The following TUSC3 variants were observed in gnomAD, a reference collection of about 807,000 sequenced individuals.
TUSC3 encodes the protein dolichyl-diphosphooligosaccharide--protein glycosyltransferase subunit TUSC3.
TUSC3 carries 45 observed loss-of-function variants against 44.8 expected under a neutral mutation model. That is an observed-to-expected ratio of 1.00 (90% CI 0.79 to 1.29). The LOEUF (loss-of-function observed/expected upper bound fraction) is 1.29, where lower values mean the gene tolerates loss of function less well. Ranked by LOEUF, TUSC3 falls within the 50% of genes most tolerant of loss-of-function variation. The pLI is 0.00. For missense variants in TUSC3, 519 were observed against 437.9 expected (o/e 1.19, Z -1.65); for synonymous variants, 212 against 152.9 (o/e 1.39, Z -2.85).
chr8:15,600,595 T>C lies in TUSC3; in HGVS notation c.139-22485T>C, dbSNP rs533542195. Among the ~76,000 whole-genome samples, 54 of 151,740 alleles carry C rather than the reference T, an allele frequency of 3.6e-4. No individual in the cohort carries two copies. In the South Asian group the frequency reaches 1.0e-2, roughly 28 times the overall value. On this transcript the variant is annotated intron_variant, in intron 1 of 10. Transcript: ENST00000503731. ...TAGTGGGTTACAGATTAAAATAAAT[T>C]GGATGGGAGATAGGGGAGAGGGATA... is the stretch of plus-strand genomic sequence containing the variant.
At chr8:15,461,806 C>CA in intron 1 of TUSC3, among the ~76,000 whole-genome samples, 1 of 150,380 alleles carries the variant, frequency 6.6e-6, no homozygotes, top group South Asian at 2.1e-4. Context: ...TAAAAGATAG[C>CA]AAAAATAAAA....
chr8:15,608,649 T>G (rs1804634758), intron 1 of TUSC3, among the ~76,000 whole-genome samples: 1 of 152,128 alleles, frequency 6.6e-6, no homozygotes, highest in Admixed American at 6.6e-5. Flanking sequence ...TGATAGTGCG[T>G]GAGTCTCGTG....
In TUSC3 at chr8:15,444,123, A is replaced by G. The variant is rs556406304; in HGVS notation, n.91+26818A>G. On this transcript the variant is annotated intron_variant and non_coding_transcript_variant, in intron 1 of 5. Coordinates refer to the TUSC3 transcript ENST00000503191. ...TCTAGTGTCCAGTGCTAATTTTTGTATTATATTCATAAGCAATTAATTGAC... is the reference window on the plus strand; with the variant it reads ...TCTAGTGTCCAGTGCTAATTTTTGTGTTATATTCATAAGCAATTAATTGAC... Among the ~76,000 whole-genome samples the G allele has an allele frequency of 1.6e-4, 24 of 152,278 alleles. No individual in the cohort carries two copies. The South Asian group carries it at 5.0e-3, about 32-fold the overall frequency.
rs1212515404 is a variant in TUSC3, at chr8:15,457,041, A to C, written n.92-26345A>C. On this transcript the variant is annotated intron_variant and non_coding_transcript_variant, in intron 1 of 5. Transcript: ENST00000503191. Reference sequence around the variant, plus strand: ...TAAATTATCAAGAAAAGCAGAAACCATCATTCTCAGCAAACTATCGCAAGG... The same window carrying C: ...TAAATTATCAAGAAAAGCAGAAACCCTCATTCTCAGCAAACTATCGCAAGG... Among the ~76,000 whole-genome samples, 5 of 152,172 alleles carry C rather than the reference A, an allele frequency of 3.3e-5. No individual in the cohort carries two copies. In the East Asian group the frequency reaches 9.7e-4, roughly 29 times the overall value.
At chr8:15,536,649 G>A (rs1385827794), upstream of TUSC3, among the ~76,000 whole-genome samples, 1 of 122,446 alleles carries the variant, frequency 8.2e-6, no homozygotes, top group Non-Finnish European at 1.6e-5. Flanking sequence ...GCCACTGCAC[G>A]CCAGCCTGGG....
intron 2 of TUSC3, among the ~76,000 whole-genome samples, chr8:15,518,846 T>C (rs533626946): frequency 2.6e-5 from 4 of 152,170 alleles, no homozygotes; most frequent in Admixed American, 2.6e-4. Flanking sequence ...CATCTAAATA[T>C]GAAAATATAA....
chr8:15,589,699 G>A (rs757821200), intron 1 of TUSC3, among the ~76,000 whole-genome samples: 19 of 145,520 alleles, frequency 1.3e-4, no homozygotes, highest in Non-Finnish European at 2.6e-4. Flanking sequence ...AAAAATGCAT[G>A]TCTGATTATT....
the TUSC3 span, among the ~76,000 whole-genome samples, chr8:15,785,341 C>A: frequency 6.6e-6 from 1 of 152,042 alleles, no homozygotes; most frequent in Non-Finnish European, 1.5e-5. Flanking sequence ...ATTGCTAAGT[C>A]AAGATAGAAA....
At chr8:15,509,537 G>C (rs980290687) in intron 2 of TUSC3, among the ~76,000 whole-genome samples, 1 of 152,056 alleles carries the variant, frequency 6.6e-6, no homozygotes, top group Non-Finnish European at 1.5e-5. Flanking sequence ...GAATCCCAGA[G>C]GCTGAGGTTG....
intron 1 of TUSC3, among the ~76,000 whole-genome samples, chr8:15,613,555 GT>G (rs1485129817): frequency 4.6e-5 from 7 of 152,144 alleles, no homozygotes; most frequent in Non-Finnish European, 4.4e-5. Context: ...CTGCTGCCAT[GT>G]TAAGATGTCC....
intron 7 of TUSC3, among the ~76,000 whole-genome samples, chr8:15,738,887 C>T (rs1422772168): frequency 2.4e-5 from 3 of 123,480 alleles, no homozygotes; most frequent in Non-Finnish European, 4.7e-5. Flanking sequence ...GGCTGGAGTG[C>T]AGTGGTGCAA....
chr8:15,774,506 G>T, the TUSC3 span, among the ~76,000 whole-genome samples: 2 of 152,136 alleles, frequency 1.3e-5, no homozygotes, highest in Admixed American at 1.3e-4. Context: ...GAAGAGGCAA[G>T]GAAGGATTCC....
At chr8:15,495,354 T>C (rs1010821368) in intron 2 of TUSC3, among the ~76,000 whole-genome samples, 2 of 152,170 alleles carry the variant, frequency 1.3e-5, no homozygotes, top group African/African-American at 4.8e-5. Flanking sequence ...CCAATGTTGG[T>C]GTTTTGTCAA....
intron 6 of TUSC3, among the ~76,000 whole-genome samples, chr8:15,702,969 T>C (rs915249550): frequency 2.6e-5 from 4 of 152,150 alleles, no homozygotes; most frequent in Non-Finnish European, 4.4e-5. Flanking sequence ...TGTCCCAGTT[T>C]ACTAATTAAA....
intron 1 of TUSC3, among the ~76,000 whole-genome samples, chr8:15,430,430 C>G (rs977766968): frequency 4.0e-5 from 6 of 150,456 alleles, no homozygotes; most frequent in Non-Finnish European, 7.4e-5. Context: ...GTTCAACAAC[C>G]CTTCATGTTA....
intron 2 of TUSC3, among the ~76,000 whole-genome samples, chr8:15,645,806 T>G (rs1287487606): frequency 1.3e-5 from 2 of 152,086 alleles, no homozygotes; most frequent in Non-Finnish European, 2.9e-5. Flanking sequence ...AATTTCATTT[T>G]TTCTTCCCCT....
At chr8:15,624,939 T>C (rs566616439) in intron 2 of TUSC3, among the ~76,000 whole-genome samples, 5 of 152,326 alleles carry the variant, frequency 3.3e-5, no homozygotes, top group African/African-American at 1.2e-4. Context: ...CAGTTTGATC[T>C]GCTCTTTGAA....
At chr8:15,836,296 T>C in the TUSC3 span, among the ~76,000 whole-genome samples, 1 of 150,748 alleles carries the variant, frequency 6.6e-6, no homozygotes, top group South Asian at 2.1e-4. Context: ...ACCATTGTGG[T>C]GAAACTCTGC....
the TUSC3 span, among the ~76,000 whole-genome samples, chr8:15,839,100 A>G: frequency 6.6e-6 from 1 of 151,684 alleles, no homozygotes; most frequent in East Asian, 1.9e-4. Context: ...ATTCCTAGGT[A>G]TTTTCTTCTC....
Sources: gnomAD v4.1 joint callset for allele counts (sites outside exome capture counted in the v4.1 genomes callset) on GRCh38, gnomAD v4.1.1 for gene constraint, MANE v1.5 for transcripts, NCBI Gene and HGNC (gene_info 2026-07-23, HGNC 2026-07-21) for gene names.